The following NXPH2 variants were observed in gnomAD, a reference collection of about 807,000 sequenced individuals.
NXPH2 encodes the protein neurexophilin-2.
In NXPH2, 5 loss-of-function variants were observed where a neutral mutation model predicts 19.8. The observed-to-expected ratio is 0.25, with a 90% confidence interval of 0.13 to 0.53. NXPH2 has a LOEUF of 0.53. NXPH2 is among the 20% of genes least tolerant of loss of function. The probability of loss-of-function intolerance (pLI) is 0.96; values close to 1 mark genes in which losing one functional copy is unlikely to be tolerated. For missense variants in NXPH2, 289 were observed against 322.8 expected, an observed-to-expected ratio of 0.90 and a Z score of 0.80; for synonymous variants, 154 against 127.4, an observed-to-expected ratio of 1.21 and a Z score of -1.41.
intron 1 of NXPH2, among the ~76,000 whole-genome samples, chr2:138,769,997 T>G (rs1224728006): frequency 6.6e-6 from 1 of 152,140 alleles, no homozygotes; most frequent in East Asian, 1.9e-4. Context: ...TGAAACAAAT[T>G]TAAGGATACA....
At chr2:138,682,942 C>T (rs1275671275) in intron 1 of NXPH2, among the ~76,000 whole-genome samples, 1 of 152,110 alleles carries the variant, frequency 6.6e-6, no homozygotes, top group Non-Finnish European at 1.5e-5. Flanking sequence ...CCATAGTTCT[C>T]TGTAAATATT....
rs556538704 is a variant in NXPH2, at chr2:138,745,035, A to AAC, written c.51+35155_51+35156insGT. Among the ~76,000 whole-genome samples the AAC allele has an allele frequency of 2.6e-4, 40 of 152,300 alleles. 1 individual carries two copies. The South Asian group carries it at 8.3e-3, about 32-fold the overall frequency. On this transcript the variant is annotated intron_variant, in intron 1 of 1. Transcript: ENST00000272641. ...CAAAGGAAACAGCTGCAGCTGCTGCAATGATGAAAACACGACCTGATTTCC... is the reference window on the plus strand; with the variant it reads ...CAAAGGAAACAGCTGCAGCTGCTGCAACATGATGAAAACACGACCTGATTTCC...
At chr2:138,710,342 G>A (rs1382103137) in intron 1 of NXPH2, among the ~76,000 whole-genome samples, 1 of 152,038 alleles carries the variant, frequency 6.6e-6, no homozygotes, top group Non-Finnish European at 1.5e-5. Flanking sequence ...CCCACCTTTG[G>A]CAATTGTGAA....
At chr2:138,738,663 A>T (rs1426117294) in intron 1 of NXPH2, among the ~76,000 whole-genome samples, 3 of 152,230 alleles carry the variant, frequency 2.0e-5, no homozygotes, top group Non-Finnish European at 4.4e-5. Context: ...AAGGAAATCA[A>T]AGCACTCAAG....
chr2:138,728,226 C>T (rs1338341128), intron 1 of NXPH2, among the ~76,000 whole-genome samples: 1 of 152,056 alleles, frequency 6.6e-6, no homozygotes, highest in Non-Finnish European at 1.5e-5. Flanking sequence ...TGCAGAGGAT[C>T]ATATGAAGAC....
chr2:138,734,426 T>A (rs1271787628), intron 1 of NXPH2, among the ~76,000 whole-genome samples: 1 of 152,142 alleles, frequency 6.6e-6, no homozygotes, highest in Non-Finnish European at 1.5e-5. Context: ...TCATGCATAA[T>A]TTAGAGAGAA....
chr2:138,701,822 T>C (rs1233386013), intron 1 of NXPH2, among the ~76,000 whole-genome samples: 1 of 152,224 alleles, frequency 6.6e-6, no homozygotes, highest in African/African-American at 2.4e-5. Flanking sequence ...CTCATTCATC[T>C]GGGGCTCTGG....
At chr2:138,710,392 A>C (rs1057427953) in intron 1 of NXPH2, among the ~76,000 whole-genome samples, 3 of 152,184 alleles carry the variant, frequency 2.0e-5, no homozygotes, top group African/African-American at 7.2e-5. Flanking sequence ...TATTTGCTTG[A>C]GTCCCTGTTT....
intron 1 of NXPH2, among the ~76,000 whole-genome samples, chr2:138,705,493 C>A (rs1324819185): frequency 6.6e-6 from 1 of 152,092 alleles, no homozygotes; most frequent in African/African-American, 2.4e-5. Context: ...TCTGTCTAAT[C>A]CCTCTTAGTA....
chr2:138,764,280 A>T (rs2104840642), intron 1 of NXPH2, among the ~76,000 whole-genome samples: 1 of 152,310 alleles, frequency 6.6e-6, no homozygotes, highest in East Asian at 1.9e-4. Context: ...GCCAAAGGAT[A>T]CTTAAGAGAA....
At chr2:138,725,213 C>G (rs923734916) in intron 1 of NXPH2, among the ~76,000 whole-genome samples, 1 of 152,154 alleles carries the variant, frequency 6.6e-6, no homozygotes, top group East Asian at 1.9e-4. Flanking sequence ...TTAAAATGTG[C>G]AGTTATTGAA....
At chr2:138,757,238 G>A (rs746654077) in intron 1 of NXPH2, among the ~76,000 whole-genome samples, 31 of 152,176 alleles carry the variant, frequency 2.0e-4, no homozygotes, top group Non-Finnish European at 4.1e-4. Flanking sequence ...TGGCTAGGCT[G>A]AACTACATTT....
chr2:138,718,779 A>G (rs564321753), intron 1 of NXPH2, among the ~76,000 whole-genome samples: 2 of 152,346 alleles, frequency 1.3e-5, no homozygotes, highest in East Asian at 3.9e-4. Flanking sequence ...ATAAAAGCAT[A>G]ATCCCATTAA....
intron 1 of NXPH2, among the ~76,000 whole-genome samples, chr2:138,690,595 A>C (rs1453874569): frequency 1.3e-5 from 2 of 151,966 alleles, no homozygotes; most frequent in Admixed American, 6.6e-5. Context: ...AAAAAAAAAA[A>C]ACAAAACTCA....
At chr2:138,759,132 A>T (rs1259949328) in intron 1 of NXPH2, among the ~76,000 whole-genome samples, 1 of 152,156 alleles carries the variant, frequency 6.6e-6, no homozygotes, top group African/African-American at 2.4e-5. Context: ...CAATTTTTTT[A>T]ACCAATACAT....
At chr2:138,757,813 TTATCTATC>T (rs57043046) in intron 1 of NXPH2, among the ~76,000 whole-genome samples, 61,028 of 147,276 alleles carry the variant, frequency 0.41, 12,636 homozygotes, top group East Asian at 0.49. Flanking sequence ...GTGTGTTTCT[TTATCTATC>T]TATCTATCTA....
At chr2:138,691,340 A>G (rs1235561510) in intron 1 of NXPH2, among the ~76,000 whole-genome samples, 3 of 152,174 alleles carry the variant, frequency 2.0e-5, no homozygotes, top group Non-Finnish European at 4.4e-5. Flanking sequence ...GTATCACTAT[A>G]GGGAGTTAAG....
chr2:138,689,414 T>C lies in NXPH2; in HGVS notation c.52-17749A>G, dbSNP rs748589493. ...GGAAAATAAAGACTGTGACTTACCCTCATTAACAGAGTAGGGGAGAGAAAG... is the reference window on the plus strand; with the variant it reads ...GGAAAATAAAGACTGTGACTTACCCCCATTAACAGAGTAGGGGAGAGAAAG... On this transcript the variant is annotated intron_variant, in intron 1 of 1. Transcript: ENST00000272641. Among the ~76,000 whole-genome samples, 131 of 152,082 alleles carry C rather than the reference T, an allele frequency of 8.6e-4. 1 individual carries two copies. Among genetic ancestry groups the C allele is most frequent in the Middle Eastern group, 3.2e-3 (1 of 316 alleles).
chr2:138,730,148 C>A (rs1258904237), intron 1 of NXPH2, among the ~76,000 whole-genome samples: 1 of 152,068 alleles, frequency 6.6e-6, no homozygotes, highest in Non-Finnish European at 1.5e-5. Context: ...TAGGGCCTGC[C>A]CATATGACAT....
Sources: gnomAD v4.1 joint callset for allele counts (sites outside exome capture counted in the v4.1 genomes callset) on GRCh38, gnomAD v4.1.1 for gene constraint, MANE v1.5 for transcripts, NCBI Gene and HGNC (gene_info 2026-07-23, HGNC 2026-07-21) for gene names.